Variants in BBS9 observed in about 807,000 individuals in gnomAD.
BBS9 encodes protein PTHB1.
BBS9 carries 89 observed loss-of-function variants against 117.7 expected under a neutral mutation model. The ratio of observed to expected loss-of-function variants is 0.76; its 90% CI spans 0.64 to 0.90. The LOEUF is 0.90. Among genes scored for constraint, BBS9 ranks in the 40% least tolerant of loss-of-function variants. The probability of loss-of-function intolerance (pLI) is 0.00; values close to 1 mark genes in which losing one functional copy is unlikely to be tolerated. For missense variants in BBS9, 982 were observed against 1,042.2 expected (o/e 0.94, Z 0.80); for synonymous variants, 379 against 370.9 (o/e 1.02, Z -0.25).
intron 20 of BBS9, among the ~76,000 whole-genome samples, chr7:33,512,422 C>T (rs1017638113): frequency 1.1e-4 from 17 of 152,114 alleles, no homozygotes; most frequent in Non-Finnish European, 2.5e-4. Flanking sequence ...ACTAAAAAAA[C>T]AAATAAAGAA....
chr7:33,438,918 G>T (rs1835706954), intron 19 of BBS9, among the ~76,000 whole-genome samples: 1 of 152,168 alleles, frequency 6.6e-6, no homozygotes, highest in Non-Finnish European at 1.5e-5. Flanking sequence ...GCTGATGAAG[G>T]AGTCTCTTAC....
chr7:33,207,962 C>T (rs530621044), intron 5 of BBS9, among the ~76,000 whole-genome samples: 6 of 152,068 alleles, frequency 3.9e-5, no homozygotes, highest in African/African-American at 7.2e-5. Flanking sequence ...TGTGCGCCAC[C>T]ATGCCTGGCT....
At chr7:33,298,448 T>C (rs1477133464) in intron 9 of BBS9, among the ~76,000 whole-genome samples, 1 of 152,198 alleles carries the variant, frequency 6.6e-6, no homozygotes, top group African/African-American at 2.4e-5. Context: ...GTAGCCAACA[T>C]TACTGTTAGT....
At chr7:33,501,929 T>G (rs1335041262) in intron 19 of BBS9, among the ~76,000 whole-genome samples, 1 of 152,050 alleles carries the variant, frequency 6.6e-6, no homozygotes, top group East Asian at 1.9e-4. Flanking sequence ...TTTTTTTTTT[T>G]GAGATGGAGT....
chr7:33,582,577 G>T (rs925552232), intron 21 of BBS9, among the ~76,000 whole-genome samples: 2 of 151,728 alleles, frequency 1.3e-5, no homozygotes, highest in African/African-American at 4.8e-5. Context: ...TGCTCACAAG[G>T]TCAAAGTTAC....
chr7:33,509,670 G>A (rs1037244759), intron 20 of BBS9, among the ~76,000 whole-genome samples: 1 of 152,116 alleles, frequency 6.6e-6, no homozygotes, highest in Non-Finnish European at 1.5e-5. Context: ...AAGATGTTTT[G>A]TTTATGTTTC....
chr7:33,315,776 C>T (rs1209423601), intron 9 of BBS9, among the ~76,000 whole-genome samples: 1 of 152,032 alleles, frequency 6.6e-6, no homozygotes, highest in Non-Finnish European at 1.5e-5. Flanking sequence ...TATGTGTATA[C>T]ATGTATTAAT....
intron 9 of BBS9, among the ~76,000 whole-genome samples, chr7:33,289,360 C>T (rs1218987279): frequency 6.6e-6 from 1 of 152,040 alleles, no homozygotes; most frequent in East Asian, 1.9e-4. Flanking sequence ...TCATTTAAAT[C>T]TAAAATAGTT....
intron 20 of BBS9, among the ~76,000 whole-genome samples, chr7:33,511,693 G>C (rs1253649574): frequency 1.3e-5 from 2 of 152,108 alleles, no homozygotes; most frequent in Non-Finnish European, 2.9e-5. Flanking sequence ...TTTTTTGATT[G>C]ATTATCCCTT....
At chr7:33,482,373 C>T (rs1842615668) in intron 19 of BBS9, among the ~76,000 whole-genome samples, 1 of 152,070 alleles carries the variant, frequency 6.6e-6, no homozygotes. Flanking sequence ...GGTTGCAACT[C>T]TTCTCTTATT....
intron 21 of BBS9, among the ~76,000 whole-genome samples, chr7:33,581,180 A>C (rs1859838744): frequency 6.6e-6 from 1 of 152,022 alleles, no homozygotes; most frequent in Non-Finnish European, 1.5e-5. Flanking sequence ...ATCTTGGGCC[A>C]AGACACTGTG....
chr7:33,306,767 G>C (rs193287323), intron 9 of BBS9, among the ~76,000 whole-genome samples: 1 of 152,212 alleles, frequency 6.6e-6, no homozygotes, highest in East Asian at 1.9e-4. Flanking sequence ...GTGTGTAGGA[G>C]TTGCTTTTGC....
chr7:33,374,054 C>T (rs1486248398), intron 17 of BBS9, among the ~76,000 whole-genome samples: 1 of 152,088 alleles, frequency 6.6e-6, no homozygotes, highest in Non-Finnish European at 1.5e-5. Flanking sequence ...TGTGGAGCTC[C>T]TACACTAATG....
intron 9 of BBS9, among the ~76,000 whole-genome samples, chr7:33,294,688 A>G (rs1804899133): frequency 6.6e-6 from 1 of 152,214 alleles, no homozygotes; most frequent in South Asian, 2.1e-4. Flanking sequence ...TCATGCTTGT[A>G]TATTAAAAAG....
rs538166116 is a variant in BBS9, at chr7:33,576,140, T to C, written c.2522-28725T>C. ...TGTCCCTGTTTGCAGGTGACATGAT[T>C]GTATATTTAGGAAACCCTGTCATCT... On this transcript the variant is annotated intron_variant, in intron 21 of 22. Transcript: ENST00000242067. 1.2e-4 allele frequency among the ~76,000 whole-genome samples: 18 copies of C among 152,302 alleles called. 1 individual carries two copies. The South Asian group carries it at 2.5e-3, about 21-fold the overall frequency.
chr7:33,544,829 G>A (rs1770341248), intron 21 of BBS9, among the ~76,000 whole-genome samples: 1 of 152,110 alleles, frequency 6.6e-6, no homozygotes, highest in African/African-American at 2.4e-5. Flanking sequence ...GTGGGACTAG[G>A]TGTGTATGAG....
chr7:33,417,594 C>G (rs922310948), intron 19 of BBS9, among the ~76,000 whole-genome samples: 1 of 152,176 alleles, frequency 6.6e-6, no homozygotes, highest in African/African-American at 2.4e-5. Flanking sequence ...TTAGGTTTAT[C>G]CAGGCTCTAA....
At chr7:33,469,823 C>T (rs1840719610) in intron 19 of BBS9, among the ~76,000 whole-genome samples, 3 of 152,228 alleles carry the variant, frequency 2.0e-5, no homozygotes, top group East Asian at 3.9e-4. Flanking sequence ...TAACTCAAAG[C>T]GCCCTAGGGT....
chr7:33,205,607 T>C (rs965430104), intron 5 of BBS9, among the ~76,000 whole-genome samples: 89 of 152,280 alleles, frequency 5.8e-4, no homozygotes, highest in African/African-American at 2.0e-3. Context: ...TCTGTGTATT[T>C]TTTTCTTCTG....
Sources: allele counts gnomAD v4.1 joint callset (sites outside exome capture counted in the v4.1 genomes callset), GRCh38; gene constraint gnomAD v4.1.1; transcripts MANE v1.5; gene names NCBI Gene and HGNC (gene_info 2026-07-23, HGNC 2026-07-21).